Variants in INPP4A observed in about 807,000 individuals in gnomAD.
INPP4A encodes the protein inositol polyphosphate-4-phosphatase, type I, 107kD.
INPP4A carries 33 observed loss-of-function variants against 119.8 expected under a neutral mutation model. The ratio of observed to expected loss-of-function variants is 0.28; its 90% confidence interval spans 0.21 to 0.37. The LOEUF (loss-of-function observed/expected upper bound fraction) is 0.37. Among genes scored for constraint, INPP4A ranks in the 10% least tolerant of loss-of-function variants. The probability of loss-of-function intolerance (pLI) is 1.00; values close to 1 mark genes in which losing one functional copy is unlikely to be tolerated. For missense variants in INPP4A, 956 were observed against 1,289.9 expected, an observed-to-expected ratio of 0.74 and a Z score of 3.97; for synonymous variants, 496 against 500.7, an observed-to-expected ratio of 0.99 and a Z score of 0.12.
intron 1 of INPP4A, among the ~76,000 whole-genome samples, chr2:98,472,514 A>T (rs115029439): frequency 0.017 from 2,610 of 152,304 alleles, 78 homozygotes; most frequent in African/African-American, 0.06. Context: ...GGTGGTGCAG[A>T]TGTCTGTCCC....
At chr2:98,551,002 C>T (rs1693415138) in intron 13 of INPP4A, among the ~76,000 whole-genome samples, 1 of 151,998 alleles carries the variant, frequency 6.6e-6, no homozygotes. Context: ...GTCACCCAGG[C>T]TGGAGTGCAC....
At chr2:98,462,481 A>G (rs539407954) in intron 1 of INPP4A, among the ~76,000 whole-genome samples, 1 of 152,232 alleles carries the variant, frequency 6.6e-6, no homozygotes, top group Non-Finnish European at 1.5e-5. Flanking sequence ...AAAATAAAAT[A>G]AAATATTACC....
chr2:98,546,092 C>A lies in INPP4A; in HGVS notation c.1054+19C>A. ...GGATCAGGTACCTATTTTTCTGCTC[C>A]CTCTTGTTGAATCACATTTCGCTGC... On this transcript the variant is annotated intron_variant, in intron 12 of 24. Coordinates refer to ENST00000409851, the MANE Select transcript of INPP4A (RefSeq NM_001134225.2). This position sits in a 1 kb window ranked among gnomAD's most constrained non-coding sequence, Gnocchi z 4.2. The A allele has an allele frequency of 6.6e-7, 1 of 1,508,140 alleles. No homozygotes were observed. The highest frequency in any genetic ancestry group is 2.4e-5 in the East Asian group (1 of 41,386). 93.4% of individuals were successfully genotyped at this position (1,508,140 alleles called of 1,614,324 possible). A position where few individuals can be genotyped will look rare whatever the true frequency, so the allele number is the denominator to read the frequency against.
At chr2:98,505,549 G>A (rs76300157) in intron 1 of INPP4A, among the ~76,000 whole-genome samples, 1,674 of 152,312 alleles carry the variant, frequency 0.011, 30 homozygotes, top group African/African-American at 0.038. Flanking sequence ...TGGAGACAGC[G>A]GTGACTGTTT....
intron 1 of INPP4A, among the ~76,000 whole-genome samples, chr2:98,499,905 G>A (rs1238228386): frequency 6.6e-6 from 1 of 152,214 alleles, no homozygotes; most frequent in African/African-American, 2.4e-5. Context: ...TAACTGACCA[G>A]CCTGCAGCTG....
intron 23 of INPP4A, among the ~76,000 whole-genome samples, chr2:98,575,727 G>T (rs1354335138): frequency 6.6e-6 from 1 of 152,182 alleles, no homozygotes; most frequent in Admixed American, 6.5e-5. Flanking sequence ...ACAAGCAGGT[G>T]TTGTGCCATC....
At chr2:98,486,369 C>T (rs768617323) in intron 1 of INPP4A, among the ~76,000 whole-genome samples, 25 of 152,200 alleles carry the variant, frequency 1.6e-4, no homozygotes, top group Non-Finnish European at 3.1e-4. Flanking sequence ...GCCTGTGCTT[C>T]CCTGTCCTCT....
chr2:98,580,017 T>G (rs1699048031), intron 24 of INPP4A, among the ~76,000 whole-genome samples: 1 of 152,246 alleles, frequency 6.6e-6, no homozygotes, highest in South Asian at 2.1e-4. Context: ...GACTTCTGTT[T>G]TCGATACGAT....
chr2:98,477,440 A>G (rs931532077), intron 1 of INPP4A, among the ~76,000 whole-genome samples: 1 of 152,200 alleles, frequency 6.6e-6, no homozygotes, highest in Non-Finnish European at 1.5e-5. Context: ...CCGTTTCCAG[A>G]TTCTAGGGGC....
At position 98,572,838 on chromosome 2, in the gene INPP4A, A is replaced by T; in HGVS notation, c.2542A>T (p.Thr848Ser). 6.4e-7 allele frequency: 1 copy of T among 1,567,446 alleles called. No homozygotes were observed. The highest frequency in any genetic ancestry group is 8.6e-7 in the Non-Finnish European group (1 of 1,156,400). The change falls in exon 23 of 25, where the codon ACG becomes TCG. Residue 848 changes from threonine to serine, a missense_variant. Physicochemically the swap from Thr to Ser is moderately conservative, Grantham distance 58. This residue lies in a region of INPP4A where 304 missense variants were observed against 492.1 expected (regional missense o/e 0.62). Transcript: ENST00000409851. The stretch of plus-strand genomic sequence containing the variant: ...AGGCCTGCCTCGGTCTCGCAGTCAG[A>T]CGTGCCTGCCAGAGCTGCTGCGGTT... ...EDCLPRSRSQ[T>S]CLPELLRFLG...
At chr2:98,556,937 T>G (rs1365473067) in intron 16 of INPP4A, among the ~76,000 whole-genome samples, 1 of 152,262 alleles carries the variant, frequency 6.6e-6, no homozygotes, top group African/African-American at 2.4e-5. Context: ...TTGTCTCTAT[T>G]CATGTTCTCT....
chr2:98,544,224 T>TA (rs1692067122), intron 11 of INPP4A, among the ~76,000 whole-genome samples: 1 of 152,184 alleles, frequency 6.6e-6, no homozygotes, highest in Non-Finnish European at 1.5e-5. Flanking sequence ...TGATCTTAAT[T>TA]AAAAAGACAA....
At chr2:98,576,569 A>G (rs141693801) in intron 23 of INPP4A, among the ~76,000 whole-genome samples, 332 of 152,314 alleles carry the variant, frequency 2.2e-3, no homozygotes, top group African/African-American at 7.8e-3. Flanking sequence ...GACTGTGGGC[A>G]TCCTGAGAGT....
At chr2:98,454,569 C>T (rs1419624907) in intron 1 of INPP4A, among the ~76,000 whole-genome samples, 2 of 152,092 alleles carry the variant, frequency 1.3e-5, no homozygotes, top group African/African-American at 2.4e-5. Flanking sequence ...AATGTTTCGA[C>T]CCCTGCTCCA....
At chr2:98,543,785 C>T in intron 10 of INPP4A, 92 bp from the exon 11 acceptor site, 2 of 1,497,432 alleles carry the variant, frequency 1.3e-6, no homozygotes, top group East Asian at 2.3e-5. Context: ...TGATACTTCC[C>T]CTGCAAATGC....
intron 1 of INPP4A, among the ~76,000 whole-genome samples, chr2:98,462,222 G>C (rs989497614): frequency 6.6e-6 from 1 of 152,204 alleles, no homozygotes; most frequent in East Asian, 1.9e-4. Flanking sequence ...GCCAAGGTGG[G>C]CGGATCATGA....
intron 4 of INPP4A, 185 bp downstream of exon 4, chr2:98,520,916 G>A (rs17445488): frequency 0.014 from 7,407 of 514,336 alleles, 76 homozygotes; most frequent in Middle Eastern, 0.022. Context: ...AGGCACCTTG[G>A]AGCCTCCGTG....
intron 1 of INPP4A, among the ~76,000 whole-genome samples, chr2:98,501,223 A>C (rs1314199077): frequency 6.6e-6 from 1 of 152,190 alleles, no homozygotes; most frequent in Non-Finnish European, 1.5e-5. Flanking sequence ...AGGCTGAGGC[A>C]GGAGAATCGC....
intron 1 of INPP4A, among the ~76,000 whole-genome samples, chr2:98,513,365 C>T (rs767242845): frequency 2.0e-5 from 3 of 152,230 alleles, no homozygotes; most frequent in African/African-American, 4.8e-5. Context: ...CATGGTCACA[C>T]GCTCTTCTTC....
Sources: gnomAD v4.1 joint callset for allele counts (sites outside exome capture counted in the v4.1 genomes callset) on GRCh38, gnomAD v4.1.1 for gene constraint, gnomAD v4.1.1 regional missense constraint, Gnocchi (gnomAD v3.1) non-coding constraint, MANE v1.5 for transcripts, NCBI Gene and HGNC (gene_info 2026-07-23, HGNC 2026-07-21) for gene names.